IRF6: variants seen among roughly 807,000 people sequenced by gnomAD.
The protein encoded by IRF6 is Van der Woude syndrome.
A neutral mutation model predicts 51.4 loss-of-function variants in IRF6; 6 were observed. The ratio of observed to expected loss-of-function variants is 0.12; its 90% confidence interval spans 0.06 to 0.23. The LOEUF (loss-of-function observed/expected upper bound fraction) is 0.23, where lower values mean the gene tolerates loss of function less well. Ranked by LOEUF, IRF6 falls within the 10% of genes least tolerant of loss-of-function variation. IRF6 has a pLI of 1.00. For synonymous variants in IRF6, 178 were observed against 215.7 expected (o/e 0.83, Z 1.53); for missense variants, 348 against 585.2 (o/e 0.59, Z 4.18).
At position 209,788,485 on chromosome 1, in the gene IRF6, C is replaced by T. The variant is rs2077847710; in HGVS notation, c.1339G>A (p.Glu447Lys). 1 of 1,614,040 alleles carries T rather than the reference C, an allele frequency of 6.2e-7. No individual in the cohort carries two copies. Among genetic ancestry groups the T allele is most frequent in the African/African-American group, 1.3e-5 (1 of 74,906 alleles). The change falls in exon 9 of 9, where the codon GAG becomes AAG. Residue 447 changes from glutamate (E) to lysine (K), a missense_variant. Glu to Lys is a moderately conservative substitution (Grantham distance 56). Coordinates refer to ENST00000367021, the MANE Select transcript of IRF6 (RefSeq NM_006147.4). Reference sequence around the variant, plus strand: ...GTGGGCTGCATGGGCTGCCAGCTCTCCTGGGTTTGAAGGATGCGGTACAGC... The same window carrying T: ...GTGGGCTGCATGGGCTGCCAGCTCTTCTGGGTTTGAAGGATGCGGTACAGC... ...KQLYRILQTQ[E>K]SWQPMQPTPS...
rs1321276073 is a variant in IRF6 at position 209,802,442 on chromosome 1, T to TA, written c.-75-400dup. On this transcript the variant is annotated intron_variant, in intron 1 of 8. Coordinates refer to ENST00000367021, the MANE Select transcript of IRF6 (RefSeq NM_006147.4). Reference sequence around the variant, plus strand: ...AAGCCTTCCCAGATTGGGTGACTGATAAAAAAACAGTCACTGGAGAATTGT... The same window carrying TA: ...AAGCCTTCCCAGATTGGGTGACTGATAAAAAAAACAGTCACTGGAGAATTGT... 2.6e-5 allele frequency among the ~76,000 whole-genome samples: 4 copies of TA among 152,328 alleles called. No individual in the cohort carries two copies. In the East Asian group the frequency reaches 5.8e-4, roughly 22 times the overall value.
At chr1:209,799,979 C>T (rs2077929319) in intron 3 of IRF6, among the ~76,000 whole-genome samples, 2 of 152,192 alleles carry the variant, frequency 1.3e-5, no homozygotes, top group Admixed American at 6.5e-5. Flanking sequence ...CTTTTGAACC[C>T]TGCGCTTACA....
In IRF6 at chr1:209,796,277, G is replaced by T; in HGVS notation, c.379+71C>A. On this transcript the variant is annotated intron_variant, in intron 4 of 8. Transcript: ENST00000367021. This position sits in a 1 kb window ranked among gnomAD's most constrained non-coding sequence, Gnocchi z 4.5. ...GTGTAAATCAGGCTGTTTTCAAGTT[G>T]ACTATCTCTTAAGAGTGCAGCCCAG... 7.7e-7 allele frequency: 1 copy of T among 1,293,090 alleles called. No homozygotes were observed. The highest frequency in any genetic ancestry group is 1.1e-6 in the Non-Finnish European group (1 of 894,454). The allele number at this position is 1,293,090 out of a possible 1,614,324, so 80.1% of individuals were successfully genotyped here.
intron 1 of IRF6, among the ~76,000 whole-genome samples, chr1:209,802,456 C>T (rs1352313223): frequency 1.3e-5 from 2 of 152,244 alleles, no homozygotes; most frequent in Non-Finnish European, 2.9e-5. Context: ...AAAACAGTCA[C>T]TGGAGAATTG....
chr1:209,800,136 G>C (rs1439197118), intron 3 of IRF6, among the ~76,000 whole-genome samples: 1 of 152,162 alleles, frequency 6.6e-6, no homozygotes, highest in Non-Finnish European at 1.5e-5. Context: ...CAGTGTCTTG[G>C]GATGCAGGAA....
chr1:209,794,641 G>C (rs1232535805), intron 5 of IRF6, among the ~76,000 whole-genome samples: 2 of 152,218 alleles, frequency 1.3e-5, no homozygotes, highest in Non-Finnish European at 2.9e-5. Context: ...GACAAATGAA[G>C]TAAAGATGCT....
At chr1:209,801,192 A>C in intron 3 of IRF6, 48 bp downstream of exon 3, 1 of 1,508,886 alleles carries the variant, frequency 6.6e-7, no homozygotes, top group South Asian at 1.2e-5. Context: ...CCAAAAAAAA[A>C]AAAAAAAAAA....
chr1:209,788,500 T>A lies in IRF6; in HGVS notation c.1324A>T (p.Ile442Phe). The change falls in exon 9 of 9, where the codon ATC becomes TTC. Residue 442 changes from isoleucine to phenylalanine, a missense_variant. By Grantham distance (21) the Ile-to-Phe change is conservative. Transcript: ENST00000367021. ...TGCCAGCTCTCCTGGGTTTGAAGGA[T>A]GCGGTACAGCTGCTTCAGCTGAGCA... is the stretch of plus-strand genomic sequence containing the variant. The part of the protein sequence containing the change: ...IVAQLKQLYR[I>F]LQTQESWQPM... 2 of 1,614,176 alleles carry A rather than the reference T, an allele frequency of 1.2e-6. No homozygotes were observed. Among genetic ancestry groups the A allele is most frequent in the Non-Finnish European group, 1.7e-6 (2 of 1,180,030 alleles).
At position 209,790,432 on chromosome 1, in the gene IRF6, T is replaced by G; in HGVS notation, c.1060+63A>C. On this transcript the variant is annotated intron_variant, in intron 7 of 8. Transcript: ENST00000367021. This position sits in a 1 kb window ranked among gnomAD's most constrained non-coding sequence, Gnocchi z 4.8. The stretch of plus-strand genomic sequence containing the variant: ...AAAGCAGGAAGGTGAAAGACAGGGA[T>G]AGTGGAAGGAATGTACTTCCAGAGA... 1 of 1,548,832 alleles carries G rather than the reference T, an allele frequency of 6.5e-7. No homozygotes were observed.
chr1:209,795,729 C>T (rs1333795717), intron 4 of IRF6, among the ~76,000 whole-genome samples: 2 of 152,164 alleles, frequency 1.3e-5, no homozygotes, highest in Non-Finnish European at 2.9e-5. Flanking sequence ...CGATCAGTCA[C>T]CCAATATGTA....
chr1:209,789,774 G>A lies in IRF6; in HGVS notation c.1072C>T (p.His358Tyr). The A allele has an allele frequency of 6.2e-7, 1 of 1,613,228 alleles. No individual in the cohort carries two copies. Residue 358 changes from histidine (H) to tyrosine (Y), a missense_variant, in exon 8 of 9, where the codon CAC (histidine) becomes TAC (tyrosine). Transcript: ENST00000367021. ...TGCTTCTCTATCTGTCCTTTCTGGT[G>A]GGCAATGAGATCTGCAGAAAGTGGA... The part of the protein sequence containing the change: ...LETFLSDLIA[H>Y]QKGQIEKQPP...
rs900086607 is a variant in IRF6, at chr1:209,790,052, C to T, written c.1061-267G>A. On this transcript the variant is annotated intron_variant, in intron 7 of 8. Transcript: ENST00000367021. The surrounding 1 kb of genome is among the most constrained non-coding windows in gnomAD (Gnocchi z 4.8). ...CTTGGACATCATTGATCATGACTTG[C>T]AGTTCAAACCACATTGTAAAAAATT... 3.9e-5 allele frequency among the ~76,000 whole-genome samples: 6 copies of T among 152,208 alleles called. No homozygotes were observed. Among genetic ancestry groups the T allele is most frequent in the African/African-American group, 1.4e-4 (6 of 41,458 alleles).
Position 209,795,364 on chromosome 1 carries a change from T to A in IRF6, c.434A>T (p.Asp145Val), listed in dbSNP as rs190422273. Reference sequence around the variant, plus strand: ...CGACTGATCCAGCTCATCTTCCTCATCTTCTTCATCCACATCATTATCCTT... The same window carrying A: ...CGACTGATCCAGCTCATCTTCCTCAACTTCTTCATCCACATCATTATCCTT... ...DEKDNDVDEEDEEDELDQSQH... is the reference protein window; with the variant it reads ...DEKDNDVDEEVEEDELDQSQH... Residue 145 changes from aspartate to valine, a missense_variant, in exon 5 of 9, where the codon GAT becomes GTT. By Grantham distance (152) the Asp-to-Val change is radical. Transcript: ENST00000367021. 1 of 1,614,206 alleles carries A rather than the reference T, an allele frequency of 6.2e-7. No homozygotes were observed. The highest frequency in any genetic ancestry group is 2.2e-5 in the East Asian group (1 of 44,888).
intron 5 of IRF6, among the ~76,000 whole-genome samples, chr1:209,794,567 A>G (rs1245376669): frequency 6.6e-6 from 1 of 152,232 alleles, no homozygotes; most frequent in Non-Finnish European, 1.5e-5. Context: ...GCCAGGTGGT[A>G]CTAAAAAGAC....
rs2077972331 is a variant in IRF6 at position 209,806,057 on chromosome 1, C to G, written c.-186G>C. ...CGTCTTAGCCAAGGGGCGCCTGGCT[C>G]TACCCAAGTAGGGACTGCAGGTTCC... On this transcript the variant is annotated 5_prime_UTR_variant, in exon 1 of 9. Transcript: ENST00000367021. 6.6e-6 allele frequency: 1 copy of G among 152,396 alleles called. No homozygotes were observed. The allele number at this position is 152,396 out of a possible 1,614,324, so 9.4% of individuals were successfully genotyped here. A position where few individuals can be genotyped will look rare whatever the true frequency, so the allele number is the denominator to read the frequency against.
intron 3 of IRF6, among the ~76,000 whole-genome samples, chr1:209,797,731 T>C (rs886204871): frequency 6.6e-6 from 1 of 151,816 alleles, no homozygotes. Context: ...AAGCAGGGAG[T>C]AGACACCTGG....
chr1:209,802,217 T>C (rs1483274116), intron 1 of IRF6, 174 bp from the exon 2 acceptor site: 2 of 152,170 alleles, frequency 1.3e-5, no homozygotes, highest in Non-Finnish European at 2.9e-5. Context: ...GTACTTAGAG[T>C]ACTAAAAGCA....
At position 209,798,272 on chromosome 1, in the gene IRF6, A is replaced by G. The variant is rs1480403125; in HGVS notation, c.175-1720T>C. ...ATCCAACCCCCTACGGGAGATTTCAACTTCACTGGTCGCTGGTATCTGGAA... is the reference window on the plus strand; with the variant it reads ...ATCCAACCCCCTACGGGAGATTTCAGCTTCACTGGTCGCTGGTATCTGGAA... On this transcript the variant is annotated intron_variant, in intron 3 of 8. Transcript: ENST00000367021. Among the ~76,000 whole-genome samples, 5 of 152,268 alleles carry G rather than the reference A, an allele frequency of 3.3e-5. No individual in the cohort carries two copies. The Middle Eastern group carries it at 0.01, about 311-fold the overall frequency.
At position 209,792,352 on chromosome 1, in the gene IRF6, G is replaced by A. The variant is rs760757234; in HGVS notation, c.584C>T (p.Thr195Ile). The change falls in exon 6 of 9, where the codon ACT becomes ATT. Residue 195 changes from threonine (T) to isoleucine (I), a missense_variant. By Grantham distance (89) the Thr-to-Ile change is moderately conservative. Transcript: ENST00000367021. The stretch of plus-strand genomic sequence containing the variant: ...GGGTACTTCCATCTCCAGGGGTTCA[G>A]TTTTGGGCCACACTGCCTCCGGGCT... Reference protein sequence around the residue: ...NCSPEAVWPKTEPLEMEVPQA... With the variant: ...NCSPEAVWPKIEPLEMEVPQA... 1.9e-6 allele frequency: 3 copies of A among 1,614,222 alleles called. No individual in the cohort carries two copies. The highest frequency in any genetic ancestry group is 1.1e-5 in the South Asian group (1 of 91,084).
Sources: allele counts gnomAD v4.1 joint callset (sites outside exome capture counted in the v4.1 genomes callset), GRCh38; gene constraint gnomAD v4.1.1; non-coding constraint Gnocchi (gnomAD v3.1); transcripts MANE v1.5; gene names NCBI Gene and HGNC (gene_info 2026-07-23, HGNC 2026-07-21).